RGP1: variants seen among roughly 807,000 people sequenced by gnomAD.
RGP1 encodes RGP1 partner of RAB6A GEF complex, also known as RAB6A-GEF complex partner protein 2.
In RGP1, 28 loss-of-function variants were observed where a neutral mutation model predicts 44.5. The ratio of observed to expected loss-of-function variants is 0.63; its 90% CI spans 0.47 to 0.86. The LOEUF (loss-of-function observed/expected upper bound fraction) is 0.86, where lower values mean the gene tolerates loss of function less well. Among genes scored for constraint, RGP1 ranks in the 40% least tolerant of loss-of-function variants. The pLI, the probability that RGP1 is intolerant of heterozygous loss-of-function variation, is 0.00. For synonymous variants in RGP1, 212 were observed against 196.7 expected, an observed-to-expected ratio of 1.08 and a Z score of -0.65; for missense variants, 417 against 490.7, an observed-to-expected ratio of 0.85 and a Z score of 1.42.
At chr9:35,765,518 G>A in the RGP1 span, among the ~76,000 whole-genome samples, 8 of 152,050 alleles carry the variant, frequency 5.3e-5, no homozygotes, top group African/African-American at 1.9e-4. Context: ...TTAGTTGGGT[G>A]TGGTGGCCCA....
chr9:35,770,540 T>C, the RGP1 span, among the ~76,000 whole-genome samples: 5,548 of 60,652 alleles, frequency 0.091, 179 homozygotes, highest in Middle Eastern at 0.13. Flanking sequence ...AGAGAGAGAG[T>C]TGAGTGGAAA....
At chr9:35,768,361 C>T in the RGP1 span, among the ~76,000 whole-genome samples, 59 of 152,226 alleles carry the variant, frequency 3.9e-4, no homozygotes, top group African/African-American at 1.4e-3. Context: ...TGTGCCTGGC[C>T]GTGGACAGGT....
rs1275744975 is a variant in RGP1, at chr9:35,757,604, A to T, written c.*4730A>T. ...ACCAACACAGGGTGGGAAGGCGGAA[A>T]TGGCCAAACCCCAGGCATCAGGTCT... On this transcript the variant is annotated 3_prime_UTR_variant, in exon 9 of 9. Coordinates refer to ENST00000378078, the MANE Select transcript of RGP1 (RefSeq NM_001080496.3). The T allele has an allele frequency of 1.3e-5, 2 of 152,882 alleles. No homozygotes were observed. Among genetic ancestry groups the T allele is most frequent in the Admixed American group, 1.3e-4 (2 of 15,310 alleles). 9.5% of individuals were successfully genotyped at this position (152,882 alleles called of 1,614,324 possible). A position where few individuals can be genotyped will look rare whatever the true frequency, so the allele number is the denominator to read the frequency against.
At chr9:35,767,848 G>T in the RGP1 span, among the ~76,000 whole-genome samples, 1 of 152,130 alleles carries the variant, frequency 6.6e-6, no homozygotes, top group Admixed American at 6.5e-5. Context: ...TGTCACCCAG[G>T]CTGGAGTGCA....
chr9:35,765,738 A>C, the RGP1 span, among the ~76,000 whole-genome samples: 1 of 152,098 alleles, frequency 6.6e-6, no homozygotes, highest in Non-Finnish European at 1.5e-5. Flanking sequence ...TGTTTTCCAA[A>C]GAGTCTGTAC....
At position 35,752,720 on chromosome 9, in the gene RGP1, C is replaced by CTG. The variant is rs1269033215; in HGVS notation, c.1025_1026dup (p.Glu343TrpfsTer17). ...GAACCAGGATTGGTACTCCTACCCC[C>CTG]TGTGGAACAGCCCGAACCTACCACC... On this transcript the variant is annotated frameshift_variant, in exon 9 of 9. Coordinates refer to ENST00000378078, the MANE Select transcript of RGP1 (RefSeq NM_001080496.3). LOFTEE classifies it high-confidence loss of function. The CTG allele has an allele frequency of 1.9e-6, 3 of 1,613,636 alleles. No homozygotes were observed. The highest frequency in any genetic ancestry group is 2.5e-6 in the Non-Finnish European group (3 of 1,179,790).
chr9:35,750,227 T>C lies in RGP1; in HGVS notation c.117-16T>C, dbSNP rs768843287. ...TCAGGAACTACCTCTGATGCCTCCT[T>C]TTCCTTTTCCCACAGTGAGGCCCTG... On this transcript the variant is annotated splice_polypyrimidine_tract_variant and intron_variant, in intron 2 of 8. Transcript: ENST00000378078. The C allele has an allele frequency of 1.7e-5, 27 of 1,611,378 alleles. No homozygotes were observed. The Middle Eastern group carries it at 4.9e-4, about 29-fold the overall frequency.
Position 35,753,350 on chromosome 9 carries a change from C to T in RGP1, c.*476C>T. On this transcript the variant is annotated 3_prime_UTR_variant, in exon 9 of 9. Coordinates refer to ENST00000378078, the MANE Select transcript of RGP1 (RefSeq NM_001080496.3). The surrounding 1 kb of genome is among the most constrained non-coding windows in gnomAD (Gnocchi z 4.2). ...TGCCTTTATCCCTGCCCACATGTTC[C>T]CTCTCTCACAGTTTTCCCCCCACAG... 3 of 1,524,728 alleles carry T rather than the reference C, an allele frequency of 2.0e-6. No individual in the cohort carries two copies. The highest frequency in any genetic ancestry group is 2.3e-5 in the East Asian group (1 of 43,976). The allele number at this position is 1,524,728 out of a possible 1,614,324, so 94.4% of individuals were successfully genotyped here.
chr9:35,776,673 C>T, the RGP1 span, among the ~76,000 whole-genome samples: 2 of 151,970 alleles, frequency 1.3e-5, no homozygotes, highest in Non-Finnish European at 2.9e-5. Context: ...GTCAGCCCTA[C>T]AGTTCATCTT....
At position 35,749,852 on chromosome 9, in the gene RGP1, AC is replaced by A; in HGVS notation, c.98del (p.Thr33ArgfsTer28). On this transcript the variant is annotated frameshift_variant, in exon 2 of 9. Coordinates refer to ENST00000378078, the MANE Select transcript of RGP1 (RefSeq NM_001080496.3). LOFTEE classifies it high-confidence loss of function. This position sits in a 1 kb window ranked among gnomAD's most constrained non-coding sequence, Gnocchi z 4.4. ...GACCGTCACCAACCCCCTTCCGCCC[AC>A]GGCCACTTCTGCATCCAGGTGGGGA... ...VVTVTNPLPP[T>X]ATSASSEALA... 1 of 1,612,858 alleles carries A rather than the reference AC, an allele frequency of 6.2e-7. No individual in the cohort carries two copies. Among genetic ancestry groups the A allele is most frequent in the Non-Finnish European group, 8.5e-7 (1 of 1,179,234 alleles).
At chr9:35,775,594 G>C in the RGP1 span, among the ~76,000 whole-genome samples, 1 of 152,166 alleles carries the variant, frequency 6.6e-6, no homozygotes, top group Non-Finnish European at 1.5e-5. Flanking sequence ...TACTACACAC[G>C]CTTCCACATA....
the RGP1 span, among the ~76,000 whole-genome samples, chr9:35,773,771 G>C: frequency 6.6e-6 from 1 of 151,482 alleles, no homozygotes; most frequent in East Asian, 1.9e-4. Context: ...CAAAATGCTG[G>C]GATTACAGGC....
chr9:35,759,080 A>G (rs1014238440), downstream of RGP1, among the ~76,000 whole-genome samples: 6 of 152,158 alleles, frequency 3.9e-5, no homozygotes, highest in African/African-American at 1.2e-4. Context: ...TTATGTTTCC[A>G]TTACTTTTCC....
At chr9:35,769,319 C>G in the RGP1 span, among the ~76,000 whole-genome samples, 2 of 152,224 alleles carry the variant, frequency 1.3e-5, no homozygotes, top group African/African-American at 4.8e-5. Context: ...CATCAGCATC[C>G]ACCTGTTATC....
the RGP1 span, among the ~76,000 whole-genome samples, chr9:35,765,708 A>T: frequency 6.6e-6 from 1 of 151,936 alleles, no homozygotes; most frequent in South Asian, 2.1e-4. Flanking sequence ...ATAAATTTTT[A>T]AAAAAGAGAA....
the RGP1 span, among the ~76,000 whole-genome samples, chr9:35,787,268 C>T: frequency 2.0e-5 from 3 of 152,024 alleles, no homozygotes; most frequent in Admixed American, 2.0e-4. Context: ...CTCACTCTTT[C>T]CCCCAGGCTG....
chr9:35,775,074 C>T, the RGP1 span, among the ~76,000 whole-genome samples: 2 of 152,164 alleles, frequency 1.3e-5, no homozygotes, highest in Non-Finnish European at 2.9e-5. Context: ...TATATTACTC[C>T]ATCTGGATGG....
At chr9:35,773,309 T>G in the RGP1 span, among the ~76,000 whole-genome samples, 1 of 152,144 alleles carries the variant, frequency 6.6e-6, no homozygotes, top group Admixed American at 6.5e-5. Context: ...GAGGATTGCT[T>G]GAGCCCAGGA....
the RGP1 span, among the ~76,000 whole-genome samples, chr9:35,765,936 G>A: frequency 1.5e-3 from 219 of 149,920 alleles, no homozygotes; most frequent in Non-Finnish European, 2.2e-3. Flanking sequence ...CTGGGTTCAC[G>A]CCATTCTCCT....
Sources: allele counts gnomAD v4.1 joint callset (sites outside exome capture counted in the v4.1 genomes callset), GRCh38; gene constraint gnomAD v4.1.1; non-coding constraint Gnocchi (gnomAD v3.1); transcripts MANE v1.5; gene names NCBI Gene and HGNC (gene_info 2026-07-23, HGNC 2026-07-21).